KIF1B: variants seen among roughly 807,000 people sequenced by gnomAD.
The protein encoded by KIF1B is kinesin family member 1B, also known as kinesin-like protein KIF1B.
KIF1B carries 76 observed loss-of-function variants against 241.9 expected under a neutral mutation model. The ratio of observed to expected loss-of-function variants is 0.31; its 90% CI spans 0.26 to 0.38. KIF1B has a LOEUF of 0.38. KIF1B is among the 10% of genes least tolerant of loss of function. The pLI is 1.00. For synonymous variants in KIF1B, 750 were observed against 796.7 expected, an observed-to-expected ratio of 0.94 and a Z score of 0.99; for missense variants, 1,622 against 2,271.4, an observed-to-expected ratio of 0.71 and a Z score of 5.81.
At chr1:10,267,722 A>G (rs189846882) in intron 6 of KIF1B, among the ~76,000 whole-genome samples, 164 bp downstream of exon 6, 2 of 152,292 alleles carry the variant, frequency 1.3e-5, no homozygotes, top group African/African-American at 4.8e-5. Flanking sequence ...TCAGAGTGTT[A>G]AGTATCTTCT....
At chr1:10,248,476 C>T (rs1159555112) in intron 2 of KIF1B, among the ~76,000 whole-genome samples, 2 of 152,168 alleles carry the variant, frequency 1.3e-5, no homozygotes, top group Non-Finnish European at 2.9e-5. Context: ...GCTGAGATTA[C>T]AAGTGTGAGC....
chr1:10,212,624 T>C (rs1342506860), intron 1 of KIF1B, among the ~76,000 whole-genome samples: 1 of 151,976 alleles, frequency 6.6e-6, no homozygotes, highest in Admixed American at 6.6e-5. Context: ...GGCTCATGCC[T>C]TGTAATCCCA....
At chr1:10,339,317 A>G (rs1652302192) in intron 31 of KIF1B, among the ~76,000 whole-genome samples, 1 of 152,332 alleles carries the variant, frequency 6.6e-6, no homozygotes, top group African/African-American at 2.4e-5. Context: ...AGGGTAAGTC[A>G]GGAAAGACTG....
rs765236286 is a variant in KIF1B at position 10,315,171 on chromosome 1, C to CTTT, written c.2116-4848_2116-4846dup. On this transcript the variant is annotated intron_variant, in intron 22 of 48. Coordinates refer to ENST00000676179, the MANE Select transcript of KIF1B (RefSeq NM_001365951.3). Reference sequence around the variant, plus strand: ...CTTATCTCTTAAAATCAAGAATATTCTTTTTTTTTTTTTTTTTTTTTTTTT... The same window carrying CTTT: ...CTTATCTCTTAAAATCAAGAATATTCTTTTTTTTTTTTTTTTTTTTTTTTTTTT... Among the ~76,000 whole-genome samples, 434 of 80,034 alleles carry CTTT rather than the reference C, an allele frequency of 5.4e-3. 31 individuals are homozygous for CTTT. The highest frequency in any genetic ancestry group is 0.021 in the African/African-American group (404 of 19,114). 52.5% of individuals were successfully genotyped at this position (80,034 alleles called of 152,430 possible). A position where few individuals can be genotyped will look rare whatever the true frequency, so the allele number is the denominator to read the frequency against.
chr1:10,222,745 C>G (rs149250471), intron 1 of KIF1B, among the ~76,000 whole-genome samples: 1 of 152,210 alleles, frequency 6.6e-6, no homozygotes, highest in East Asian at 1.9e-4. Context: ...TTAGTGAATG[C>G]TTCTGGAATT....
chr1:10,303,261 G>A lies in KIF1B; in HGVS notation c.2115+6015G>A. The A allele has an allele frequency of 1.2e-6, 2 of 1,614,186 alleles. No individual in the cohort carries two copies. Among genetic ancestry groups the A allele is most frequent in the Non-Finnish European group, 1.7e-6 (2 of 1,180,032 alleles). On this transcript the variant is annotated intron_variant, in intron 22 of 48. Transcript: ENST00000676179. The surrounding 1 kb of genome is among the most constrained non-coding windows in gnomAD (Gnocchi z 5.2). Reference sequence around the variant, plus strand: ...TGAGAGAAAAGCTACCTCCCAGCAAGTTGCAAACCATTGTTAAAAAATGTG... The same window carrying A: ...TGAGAGAAAAGCTACCTCCCAGCAAATTGCAAACCATTGTTAAAAAATGTG...
At chr1:10,253,512 A>G (rs1288402120) in intron 2 of KIF1B, among the ~76,000 whole-genome samples, 1 of 152,070 alleles carries the variant, frequency 6.6e-6, no homozygotes, top group African/African-American at 2.4e-5. Flanking sequence ...GTGTAGTGGC[A>G]TGAACCTGTG....
chr1:10,304,624 G>A, intron 22 of KIF1B: 2 of 1,613,956 alleles, frequency 1.2e-6, no homozygotes, highest in South Asian at 2.2e-5. Flanking sequence ...CAATCTCAAA[G>A]CTGGTCGAGA....
At position 10,378,772 on chromosome 1, in the gene KIF1B, T is replaced by C. The variant is rs1387937122; in HGVS notation, c.*2185T>C. On this transcript the variant is annotated 3_prime_UTR_variant, in exon 49 of 49. Coordinates refer to ENST00000676179, the MANE Select transcript of KIF1B (RefSeq NM_001365951.3). ...CCCAGCTTCGCTCCTTATCACTGCA[T>C]TGTGAAGAGGAGGAAAAGTGAATCA... 3.5e-6 allele frequency: 1 copy of C among 284,192 alleles called. No individual in the cohort carries two copies. Among genetic ancestry groups the C allele is most frequent in the East Asian group, 5.3e-5 (1 of 18,826 alleles). 17.6% of individuals were successfully genotyped at this position (284,192 alleles called of 1,614,324 possible). A position where few individuals can be genotyped will look rare whatever the true frequency, so the allele number is the denominator to read the frequency against.
intron 27 of KIF1B, among the ~76,000 whole-genome samples, chr1:10,328,731 C>T (rs529941411): frequency 7.9e-5 from 12 of 152,302 alleles, no homozygotes; most frequent in African/African-American, 2.2e-4. Flanking sequence ...CTTCATCTTA[C>T]GTAACATGGT....
At chr1:10,220,288 T>TTGAGCC (rs1646824553) in intron 1 of KIF1B, among the ~76,000 whole-genome samples, 1 of 151,562 alleles carries the variant, frequency 6.6e-6, no homozygotes, top group East Asian at 1.9e-4. Context: ...GGAGGATTGC[T>TTGAGCC]TGAGCCTGGG....
chr1:10,296,833 T>C, intron 20 of KIF1B, 64 bp from the exon 21 acceptor site: 2 of 1,467,960 alleles, frequency 1.4e-6, no homozygotes, highest in Non-Finnish European at 1.9e-6. Flanking sequence ...GGGGTGAGGT[T>C]GTTAAATAGA....
At chr1:10,287,714 C>T (rs1352123276) in intron 15 of KIF1B, among the ~76,000 whole-genome samples, 1 of 152,146 alleles carries the variant, frequency 6.6e-6, no homozygotes, top group Non-Finnish European at 1.5e-5. Flanking sequence ...GAGTTGGCTG[C>T]AAAATGGTAA....
intron 25 of KIF1B, among the ~76,000 whole-genome samples, chr1:10,324,520 G>A (rs1383318737): frequency 2.0e-5 from 3 of 152,174 alleles, no homozygotes; most frequent in African/African-American, 4.8e-5. Context: ...CTTTTCACCC[G>A]GTAGAGGATA....
Position 10,341,236 on chromosome 1 carries a change from T to G in KIF1B, c.3514-814T>G, listed in dbSNP as rs1652380918. Among the ~76,000 whole-genome samples the G allele has an allele frequency of 1.3e-5, 2 of 152,256 alleles. 1 individual carries two copies. The highest frequency in any genetic ancestry group is 4.1e-4 in the South Asian group (2 of 4,830). On this transcript the variant is annotated intron_variant, in intron 32 of 48. Coordinates refer to ENST00000676179, the MANE Select transcript of KIF1B (RefSeq NM_001365951.3). Reference sequence around the variant, plus strand: ...GTGGAGAAAGGGAAAGTTATTTCTATTAATGGAAAGCTATTTTAAGTTACT... The same window carrying G: ...GTGGAGAAAGGGAAAGTTATTTCTAGTAATGGAAAGCTATTTTAAGTTACT...
At chr1:10,343,199 A>C (rs1302409315) in intron 33 of KIF1B, 33 bp from the exon 34 acceptor site, 1 of 1,611,608 alleles carries the variant, frequency 6.2e-7, no homozygotes, top group East Asian at 2.2e-5. Flanking sequence ...ATAACTCTTT[A>C]TAGTCTTGAT....
At position 10,312,058 on chromosome 1, in the gene KIF1B, G is replaced by A. The variant is rs988253781; in HGVS notation, c.2116-7985G>A. 3.3e-5 allele frequency among the ~76,000 whole-genome samples: 5 copies of A among 151,130 alleles called. 1 individual carries two copies. The highest frequency in any genetic ancestry group is 2.6e-4 in the Admixed American group (4 of 15,232). On this transcript the variant is annotated intron_variant, in intron 22 of 48. Transcript: ENST00000676179. ...TGTCTGCAAACCTCTGCCCTGCCTC[G>A]CCTTCTGCTGACTCTCAGGTGTCCT...
intron 27 of KIF1B, among the ~76,000 whole-genome samples, chr1:10,331,392 C>T (rs1272004839): frequency 6.6e-6 from 1 of 152,064 alleles, no homozygotes; most frequent in Non-Finnish European, 1.5e-5. Flanking sequence ...TTTTTTACAC[C>T]AGAGCTTCAA....
intron 4 of KIF1B, among the ~76,000 whole-genome samples, chr1:10,260,260 A>T (rs939454516): frequency 7.2e-5 from 11 of 152,222 alleles, no homozygotes; most frequent in African/African-American, 2.7e-4. Flanking sequence ...AACATAGAAA[A>T]GTACATTAAA....
Sources: allele counts gnomAD v4.1 joint callset (sites outside exome capture counted in the v4.1 genomes callset), GRCh38; gene constraint gnomAD v4.1.1; non-coding constraint Gnocchi (gnomAD v3.1); transcripts MANE v1.5; gene names NCBI Gene and HGNC (gene_info 2026-07-23, HGNC 2026-07-21).